Variants in ADGRG7 observed in about 807,000 individuals in gnomAD.
The protein encoded by ADGRG7 is G-protein coupled receptor 128.
ADGRG7 carries 82 observed loss-of-function variants against 88.6 expected under a neutral mutation model. That is an observed-to-expected ratio of 0.93 (90% confidence interval 0.77 to 1.11). ADGRG7 has a LOEUF of 1.11. Ranked by LOEUF, ADGRG7 falls within the 50% of genes most tolerant of loss-of-function variation. The pLI, the probability that ADGRG7 is intolerant of heterozygous loss-of-function variation, is 0.00. For missense variants in ADGRG7, 945 were observed against 953.4 expected (o/e 0.99, Z 0.12); for synonymous variants, 381 against 345.2 (o/e 1.10, Z -1.15).
At chr3:100,693,033 A>T (rs7617579) in intron 15 of ADGRG7, among the ~76,000 whole-genome samples, 101,325 of 152,058 alleles carry the variant, frequency 0.67, 33,962 homozygotes, top group South Asian at 0.83. Flanking sequence ...CACAATTTGA[A>T]CTTTGTGTTA....
At chr3:100,617,324 C>G (rs1457684763) in intron 1 of ADGRG7, among the ~76,000 whole-genome samples, 1 of 151,628 alleles carries the variant, frequency 6.6e-6, no homozygotes, top group African/African-American at 2.4e-5. Context: ...CACCCATTAA[C>G]TCGTCACTTA....
intron 1 of ADGRG7, among the ~76,000 whole-genome samples, chr3:100,617,677 G>A (rs542345311): frequency 9.2e-5 from 14 of 152,256 alleles, no homozygotes; most frequent in Admixed American, 3.9e-4. Context: ...ATAAACATAT[G>A]TGTGCATGTG....
chr3:100,675,302 G>A (rs889111250), intron 15 of ADGRG7, among the ~76,000 whole-genome samples: 5 of 152,086 alleles, frequency 3.3e-5, no homozygotes, highest in East Asian at 3.8e-4. Context: ...TTTTTACCAC[G>A]AAGTGATGTT....
chr3:100,623,879 CTCAT>C (rs1707346373), intron 1 of ADGRG7, among the ~76,000 whole-genome samples: 1 of 152,184 alleles, frequency 6.6e-6, no homozygotes, highest in Admixed American at 6.5e-5. Context: ...TGGACAGTAT[CTCAT>C]TCCTTTTTAT....
chr3:100,694,809 G>A lies in ADGRG7; in HGVS notation c.2202G>A (p.Val734=). 1 of 1,614,148 alleles carries A rather than the reference G, an allele frequency of 6.2e-7. No individual in the cohort carries two copies. Among genetic ancestry groups the A allele is most frequent in the Non-Finnish European group, 8.5e-7 (1 of 1,179,998 alleles). The change falls in exon 16 of 16, where the codon GTG becomes GTA. Residue 734 remains valine, a synonymous_variant. Transcript: ENST00000273352. The part of the protein sequence containing the change: ...TKVFQSEASK[V]LMLLSSIGRR... ...TCTTCCAGAGTGAAGCTTCCAAAGT[G>A]TTGATGTTGCTATCGTCTATTGGGA...
At chr3:100,622,898 C>T (rs188737678) in intron 1 of ADGRG7, among the ~76,000 whole-genome samples, 9 of 151,460 alleles carry the variant, frequency 5.9e-5, no homozygotes, top group East Asian at 3.9e-4. Context: ...TACAGGCATG[C>T]GTCACCATGC....
At chr3:100,624,482 G>T (rs1367846294) in intron 1 of ADGRG7, among the ~76,000 whole-genome samples, 2 of 152,114 alleles carry the variant, frequency 1.3e-5, no homozygotes, top group Non-Finnish European at 2.9e-5. Flanking sequence ...CCATTCTGTA[G>T]GTTGCCTGTT....
intron 15 of ADGRG7, among the ~76,000 whole-genome samples, chr3:100,670,693 T>C (rs939963475): frequency 5.3e-5 from 8 of 152,182 alleles, no homozygotes; most frequent in Non-Finnish European, 1.2e-4. Flanking sequence ...ATATTTCTCC[T>C]AATGCTATCC....
chr3:100,641,469 A>T (rs1707641063), intron 6 of ADGRG7, among the ~76,000 whole-genome samples: 1 of 152,198 alleles, frequency 6.6e-6, no homozygotes, highest in Admixed American at 6.5e-5. Context: ...GTACAGGACA[A>T]AAAAGGAGGC....
intron 13 of ADGRG7, among the ~76,000 whole-genome samples, chr3:100,656,495 A>G (rs2094937706): frequency 6.6e-6 from 1 of 152,212 alleles, no homozygotes; most frequent in Non-Finnish European, 1.5e-5. Flanking sequence ...TACATAACAA[A>G]TTCTTCCTGT....
intron 15 of ADGRG7, among the ~76,000 whole-genome samples, chr3:100,692,805 G>A (rs536432343): frequency 6.6e-6 from 1 of 152,248 alleles, no homozygotes; most frequent in African/African-American, 2.4e-5. Context: ...TACATAGTAT[G>A]TTAAAATGCT....
intron 15 of ADGRG7, among the ~76,000 whole-genome samples, chr3:100,688,604 A>G (rs549156008): frequency 6.6e-6 from 1 of 152,312 alleles, no homozygotes; most frequent in African/African-American, 2.4e-5. Context: ...TTCAAAGAAC[A>G]TCTTTATTTC....
intron 15 of ADGRG7, 110 bp from the exon 16 acceptor site, chr3:100,694,634 G>T: frequency 9.8e-7 from 1 of 1,024,486 alleles, no homozygotes; most frequent in Non-Finnish European, 1.4e-6. Flanking sequence ...AATTCAAGTT[G>T]GGGAAGTGCC....
At chr3:100,653,575 T>G (rs934344249) in intron 11 of ADGRG7, among the ~76,000 whole-genome samples, 1 of 152,230 alleles carries the variant, frequency 6.6e-6, no homozygotes, top group Admixed American at 6.5e-5. Flanking sequence ...TCATGTTATA[T>G]TAAAAAAACT....
chr3:100,637,995 G>T (rs1707574961), intron 6 of ADGRG7, among the ~76,000 whole-genome samples: 1 of 152,206 alleles, frequency 6.6e-6, no homozygotes, highest in Non-Finnish European at 1.5e-5. Flanking sequence ...AGCGAACTCT[G>T]TGCAGGCCCC....
chr3:100,622,363 T>C (rs1707325982), intron 1 of ADGRG7, among the ~76,000 whole-genome samples: 1 of 151,974 alleles, frequency 6.6e-6, no homozygotes, highest in African/African-American at 2.4e-5. Context: ...CTTGCTTCTT[T>C]GTTGAGGAGC....
chr3:100,640,801 C>T (rs1385717672), intron 6 of ADGRG7, among the ~76,000 whole-genome samples: 5 of 152,114 alleles, frequency 3.3e-5, no homozygotes, highest in East Asian at 1.9e-4. Flanking sequence ...GGGTTATAGG[C>T]GTGAGCCACC....
intron 13 of ADGRG7, among the ~76,000 whole-genome samples, chr3:100,657,569 T>G (rs1338840034): frequency 1.3e-5 from 2 of 152,192 alleles, no homozygotes; most frequent in East Asian, 3.9e-4. Flanking sequence ...CATGGGGAAT[T>G]ATAATTGGGG....
chr3:100,624,801 C>G (rs1041598004), intron 1 of ADGRG7, among the ~76,000 whole-genome samples: 5 of 152,022 alleles, frequency 3.3e-5, no homozygotes, highest in African/African-American at 1.2e-4. Flanking sequence ...GAATCCTTTC[C>G]CTATTGCTTG....
Sources: allele counts gnomAD v4.1 joint callset (sites outside exome capture counted in the v4.1 genomes callset), GRCh38; gene constraint gnomAD v4.1.1; transcripts MANE v1.5; gene names NCBI Gene and HGNC (gene_info 2026-07-23, HGNC 2026-07-21).